Variants in SPATA13 observed in about 807,000 individuals in gnomAD.
The protein encoded by SPATA13 is spermatogenesis associated 13.
A neutral mutation model predicts 104.0 loss-of-function variants in SPATA13; 50 were observed. The observed-to-expected ratio is 0.48, with a 90% CI of 0.38 to 0.61. SPATA13 has a LOEUF of 0.61. Ranked by LOEUF, SPATA13 falls within the 20% of genes least tolerant of loss-of-function variation. The pLI, the probability that SPATA13 is intolerant of heterozygous loss-of-function variation, is 0.00. For synonymous variants in SPATA13, 606 were observed against 667.5 expected, an observed-to-expected ratio of 0.91 and a Z score of 1.42; for missense variants, 1,524 against 1,690.6, an observed-to-expected ratio of 0.90 and a Z score of 1.73.
intron 2 of SPATA13, among the ~76,000 whole-genome samples, chr13:24,007,887 A>G (rs995039267): frequency 6.6e-6 from 1 of 152,244 alleles, no homozygotes; most frequent in Non-Finnish European, 1.5e-5. Flanking sequence ...AACAGTATTT[A>G]TTGTCATCAT....
intron 1 of SPATA13, among the ~76,000 whole-genome samples, chr13:24,193,405 G>A (rs1483500795): frequency 1.3e-5 from 2 of 152,172 alleles, no homozygotes; most frequent in Non-Finnish European, 2.9e-5. Context: ...TTTGTACTGG[G>A]GGCCTGGTGA....
intron 1 of SPATA13, among the ~76,000 whole-genome samples, chr13:24,193,306 G>C (rs1869874998): frequency 6.6e-6 from 1 of 152,156 alleles, no homozygotes. Context: ...AGGGAAAGTA[G>C]GTGAGGGTGG....
intron 3 of SPATA13, among the ~76,000 whole-genome samples, chr13:24,018,439 A>T (rs1178110000): frequency 6.6e-6 from 1 of 152,254 alleles, no homozygotes; most frequent in East Asian, 1.9e-4. Flanking sequence ...TTTAGGTAAT[A>T]AATGAAATAT....
chr13:24,084,667 C>G (rs1879662348), intron 3 of SPATA13, among the ~76,000 whole-genome samples: 1 of 152,114 alleles, frequency 6.6e-6, no homozygotes, highest in African/African-American at 2.4e-5. Context: ...AGGGGGCACA[C>G]CATGGCCATT....
intron 3 of SPATA13, among the ~76,000 whole-genome samples, chr13:24,102,524 G>T (rs750505863): frequency 4.7e-5 from 7 of 148,480 alleles, no homozygotes; most frequent in Non-Finnish European, 8.9e-5. Flanking sequence ...ATCCAAGCTG[G>T]AGTGCAGTGG....
intron 3 of SPATA13, among the ~76,000 whole-genome samples, chr13:24,149,321 G>A (rs1216198556): frequency 6.6e-6 from 1 of 152,210 alleles, no homozygotes; most frequent in South Asian, 2.1e-4. Context: ...AGTAAAGGTT[G>A]GCATCGTTTG....
rs141049465 is a variant in SPATA13, at chr13:24,298,360, G to A, written c.3583+625G>A. ...CCTATGAAACTCAGGATGCCGCATCGTCCATTGCAGTTAAGGCGATGGTAC... is the reference window on the plus strand; with the variant it reads ...CCTATGAAACTCAGGATGCCGCATCATCCATTGCAGTTAAGGCGATGGTAC... On this transcript the variant is annotated intron_variant, in intron 11 of 12. Transcript: ENST00000382108. Among the ~76,000 whole-genome samples the A allele has an allele frequency of 6.1e-4, 93 of 152,294 alleles. No individual in the cohort carries two copies. The Middle Eastern group carries it at 0.017, about 28-fold the overall frequency.
chr13:24,222,586 G>GTTT (rs1212471745), intron 1 of SPATA13, among the ~76,000 whole-genome samples: 2 of 152,108 alleles, frequency 1.3e-5, no homozygotes, highest in Admixed American at 1.3e-4. Context: ...GAGCTCAGGA[G>GTTT]TTTACCTTCA....
upstream of SPATA13, among the ~76,000 whole-genome samples, chr13:24,160,333 C>T (rs566830869): frequency 6.6e-6 from 1 of 152,260 alleles, no homozygotes; most frequent in African/African-American, 2.4e-5. Context: ...GCAACCTCCG[C>T]CTCTCGGGTT....
At chr13:24,246,829 C>T (rs1873166808) in intron 2 of SPATA13, among the ~76,000 whole-genome samples, 2 of 152,014 alleles carry the variant, frequency 1.3e-5, no homozygotes, top group South Asian at 4.2e-4. Flanking sequence ...CACCACTGCA[C>T]TCCAGCCTGG....
chr13:24,038,910 C>T (rs34209004), intron 3 of SPATA13, among the ~76,000 whole-genome samples: 5,609 of 152,280 alleles, frequency 0.037, 147 homozygotes, highest in Non-Finnish European at 0.06. Flanking sequence ...AAAGGGAGCA[C>T]ACAAATCCAG....
chr13:24,179,310 G>A (rs2862243), intron 1 of SPATA13, among the ~76,000 whole-genome samples: 74,777 of 152,042 alleles, frequency 0.49, 21,503 homozygotes, highest in Non-Finnish European at 0.65. Flanking sequence ...GCATTGCTGA[G>A]TCAAATGGTA....
chr13:24,177,156 C>T (rs1868485106), intron 1 of SPATA13, among the ~76,000 whole-genome samples: 2 of 152,136 alleles, frequency 1.3e-5, no homozygotes, highest in African/African-American at 4.8e-5. Context: ...TTAATTATTC[C>T]TTAATTAATC....
intron 11 of SPATA13, among the ~76,000 whole-genome samples, chr13:24,298,410 C>T (rs2138770750): frequency 6.6e-6 from 1 of 152,364 alleles, no homozygotes; most frequent in South Asian, 2.1e-4. Context: ...TACATTTGTA[C>T]TTCTTTGGTT....
At position 24,011,373 on chromosome 13, in the gene SPATA13, C is replaced by T. The variant is rs1876464286; in HGVS notation, c.-146-6294C>T. Among the ~76,000 whole-genome samples the T allele has an allele frequency of 6.6e-6, 1 of 152,192 alleles. No homozygotes were observed. Among genetic ancestry groups the T allele is most frequent in the African/African-American group, 2.4e-5 (1 of 41,444 alleles). On this transcript the variant is annotated intron_variant, in intron 2 of 14. Coordinates refer to the SPATA13 transcript ENST00000424834. This position sits in a 1 kb window ranked among gnomAD's most constrained non-coding sequence, Gnocchi z 4.3. ...TCCGCAGCTGGTCTGGGCCCAAGTGCTGAGGACTCAGGGATCCCTGAGACC... is the reference window on the plus strand; with the variant it reads ...TCCGCAGCTGGTCTGGGCCCAAGTGTTGAGGACTCAGGGATCCCTGAGACC...
chr13:24,127,778 T>C (rs1052725012), intron 3 of SPATA13, among the ~76,000 whole-genome samples: 2 of 152,210 alleles, frequency 1.3e-5, no homozygotes, highest in African/African-American at 2.4e-5. Flanking sequence ...AGTTTAACAT[T>C]TGAAGTTCAA....
At chr13:24,119,120 G>A (rs979838389) in intron 3 of SPATA13, among the ~76,000 whole-genome samples, 2 of 152,052 alleles carry the variant, frequency 1.3e-5, no homozygotes, top group Non-Finnish European at 2.9e-5. Context: ...TGTTAGCCAG[G>A]ATGGTCTCGA....
At chr13:24,236,306 A>G (rs912754502) in intron 2 of SPATA13, among the ~76,000 whole-genome samples, 5 of 152,218 alleles carry the variant, frequency 3.3e-5, no homozygotes, top group African/African-American at 1.2e-4. Context: ...GCCCCATTTA[A>G]AAAATGGGCA....
chr13:24,061,444 A>G (rs575184957), intron 3 of SPATA13, among the ~76,000 whole-genome samples: 1 of 152,314 alleles, frequency 6.6e-6, no homozygotes, highest in East Asian at 1.9e-4. Context: ...CTGTTCAACA[A>G]TAGCAGAGAC....
Sources: allele counts gnomAD v4.1 joint callset (sites outside exome capture counted in the v4.1 genomes callset), GRCh38; gene constraint gnomAD v4.1.1; non-coding constraint Gnocchi (gnomAD v3.1); transcripts MANE v1.5; gene names NCBI Gene and HGNC (gene_info 2026-07-23, HGNC 2026-07-21).